The following PTPRK variants were observed in gnomAD, a reference collection of about 807,000 sequenced individuals.
PTPRK encodes the protein protein tyrosine phosphatase receptor type K.
In PTPRK, 75 loss-of-function variants were observed where a neutral mutation model predicts 178.0. The observed-to-expected ratio is 0.42, with a 90% CI of 0.35 to 0.51. PTPRK has a LOEUF of 0.51. PTPRK is among the 20% of genes least tolerant of loss of function. PTPRK has a pLI of 0.02. For synonymous variants in PTPRK, 637 were observed against 620.6 expected (o/e 1.03, Z -0.39); for missense variants, 1,441 against 1,797.8 (o/e 0.80, Z 3.59).
chr6:128,110,685 C>A (rs975185507), intron 7 of PTPRK, among the ~76,000 whole-genome samples: 1 of 151,832 alleles, frequency 6.6e-6, no homozygotes, highest in Non-Finnish European at 1.5e-5. Flanking sequence ...AAGCACAGTA[C>A]TGTCTGAGCT....
chr6:128,254,408 C>T (rs578242061), intron 3 of PTPRK, among the ~76,000 whole-genome samples: 13 of 152,198 alleles, frequency 8.5e-5, no homozygotes, highest in Middle Eastern at 3.4e-3. Context: ...ATACGTTTGA[C>T]AGTCAGGTTC....
chr6:128,072,959 G>T (rs914764597), intron 11 of PTPRK, among the ~76,000 whole-genome samples: 3 of 151,748 alleles, frequency 2.0e-5, no homozygotes, highest in Admixed American at 1.3e-4. Context: ...AAAACTCTAG[G>T]GTGGAAAAAA....
chr6:128,148,723 C>G (rs993391530), intron 7 of PTPRK, among the ~76,000 whole-genome samples: 7 of 152,184 alleles, frequency 4.6e-5, no homozygotes, highest in African/African-American at 1.4e-4. Flanking sequence ...AATACATTAG[C>G]CTTTCATTTC....
intron 7 of PTPRK, among the ~76,000 whole-genome samples, chr6:128,097,587 T>C (rs2115045197): frequency 6.6e-6 from 1 of 152,250 alleles, no homozygotes; most frequent in South Asian, 2.1e-4. Context: ...GACTGAAAAT[T>C]TGGAGACCCT....
chr6:128,383,178 A>G (rs1838191684), intron 2 of PTPRK, among the ~76,000 whole-genome samples: 1 of 152,238 alleles, frequency 6.6e-6, no homozygotes, highest in South Asian at 2.1e-4. Flanking sequence ...AATCGAAATC[A>G]GTGCTTATTA....
At chr6:128,470,352 T>A (rs566594278) in intron 1 of PTPRK, among the ~76,000 whole-genome samples, 3 of 152,004 alleles carry the variant, frequency 2.0e-5, no homozygotes, top group African/African-American at 7.2e-5. Flanking sequence ...TTATGAAGTG[T>A]TGTTTGAGCT....
At chr6:128,145,402 A>C (rs561720493) in intron 7 of PTPRK, among the ~76,000 whole-genome samples, 1 of 152,170 alleles carries the variant, frequency 6.6e-6, no homozygotes, top group Non-Finnish European at 1.5e-5. Context: ...AAAGTTGTGT[A>C]TATTAAAATG....
At chr6:128,324,949 C>A (rs1040439848) in intron 2 of PTPRK, among the ~76,000 whole-genome samples, 2 of 152,172 alleles carry the variant, frequency 1.3e-5, no homozygotes, top group African/African-American at 2.4e-5. Context: ...GGAAATTATA[C>A]AATATGTACT....
chr6:128,505,544 C>T (rs1856212449), intron 1 of PTPRK, among the ~76,000 whole-genome samples: 1 of 152,140 alleles, frequency 6.6e-6, no homozygotes, highest in African/African-American at 2.4e-5. Context: ...TTAGTAGGAG[C>T]ATCCAGTCAG....
chr6:128,021,120 T>G (rs1388401554), intron 13 of PTPRK, among the ~76,000 whole-genome samples: 1 of 152,232 alleles, frequency 6.6e-6, no homozygotes, highest in Non-Finnish European at 1.5e-5. Flanking sequence ...AAATATTTTT[T>G]GGCCTTGAGT....
At chr6:128,116,067 T>C (rs898488525) in intron 7 of PTPRK, among the ~76,000 whole-genome samples, 1 of 152,096 alleles carries the variant, frequency 6.6e-6, no homozygotes, top group African/African-American at 2.4e-5. Context: ...TCTCAATCAT[T>C]TGTTACATTT....
intron 19 of PTPRK, among the ~76,000 whole-genome samples, chr6:127,992,024 T>C (rs1776667787): frequency 6.6e-6 from 1 of 151,772 alleles, no homozygotes; most frequent in East Asian, 1.9e-4. Context: ...TAAACCTAGC[T>C]TTTGTTTTAC....
intron 3 of PTPRK, among the ~76,000 whole-genome samples, chr6:128,244,718 A>G (rs1815136489): frequency 6.6e-6 from 1 of 152,190 alleles, no homozygotes; most frequent in Non-Finnish European, 1.5e-5. Flanking sequence ...CTATGGTTCT[A>G]GCTTAGTACA....
intron 3 of PTPRK, among the ~76,000 whole-genome samples, chr6:128,289,993 A>G (rs1284902164): frequency 6.6e-6 from 1 of 152,158 alleles, no homozygotes; most frequent in Non-Finnish European, 1.5e-5. Flanking sequence ...TTGATTTGTG[A>G]AGCAGTAACA....
chr6:128,245,365 T>G (rs1405013259), intron 3 of PTPRK, among the ~76,000 whole-genome samples: 4 of 152,192 alleles, frequency 2.6e-5, no homozygotes, highest in Non-Finnish European at 5.9e-5. Flanking sequence ...AAAAATGAAT[T>G]TCATTTTAAC....
chr6:128,279,343 T>C (rs1407549577), intron 3 of PTPRK, among the ~76,000 whole-genome samples: 1 of 152,064 alleles, frequency 6.6e-6, no homozygotes, highest in South Asian at 2.1e-4. Flanking sequence ...AAGAGAAGTT[T>C]AAAAAAATAT....
At chr6:128,332,471 G>C (rs1391543921) in intron 2 of PTPRK, among the ~76,000 whole-genome samples, 2 of 152,200 alleles carry the variant, frequency 1.3e-5, no homozygotes, top group Non-Finnish European at 2.9e-5. Flanking sequence ...AGGACTAAAT[G>C]AGACTACCTC....
chr6:128,279,522 G>C (rs1053220670), intron 3 of PTPRK, among the ~76,000 whole-genome samples: 7 of 152,070 alleles, frequency 4.6e-5, no homozygotes. Flanking sequence ...ACTTCAACAG[G>C]GATCAATGAA....
intron 3 of PTPRK, among the ~76,000 whole-genome samples, chr6:128,262,568 C>A (rs4401682): frequency 1.3e-5 from 2 of 151,942 alleles, no homozygotes; most frequent in East Asian, 3.9e-4. Flanking sequence ...AACTACAGAG[C>A]TATGGAGGGG....
Sources: gnomAD v4.1 joint callset for allele counts (sites outside exome capture counted in the v4.1 genomes callset) on GRCh38, gnomAD v4.1.1 for gene constraint, MANE v1.5 for transcripts, NCBI Gene and HGNC (gene_info 2026-07-23, HGNC 2026-07-21) for gene names.